The following ADAMTS6 variants were observed in gnomAD, a reference collection of about 807,000 sequenced individuals.
ADAMTS6 encodes the protein ADAM metallopeptidase with thrombospondin type 1 motif 6.
ADAMTS6 carries 23 observed loss-of-function variants against 144.3 expected under a neutral mutation model. That is an observed-to-expected ratio of 0.16 (90% CI 0.11 to 0.23). The LOEUF (loss-of-function observed/expected upper bound fraction) is 0.23. ADAMTS6 is among the 10% of genes least tolerant of loss of function. The probability of loss-of-function intolerance (pLI) is 1.00; values close to 1 mark genes in which losing one functional copy is unlikely to be tolerated. For synonymous variants in ADAMTS6, 444 were observed against 457.5 expected (o/e 0.97, Z 0.38); for missense variants, 999 against 1,379.6 (o/e 0.72, Z 4.37).
chr5:65,339,896 T>C (rs970299759), intron 7 of ADAMTS6, among the ~76,000 whole-genome samples: 4 of 152,078 alleles, frequency 2.6e-5, no homozygotes, highest in Admixed American at 6.5e-5. Context: ...GTTTGTATTA[T>C]GAGCTTCCAG....
At chr5:65,252,773 A>G (rs546841142) in intron 14 of ADAMTS6, among the ~76,000 whole-genome samples, 3 of 151,996 alleles carry the variant, frequency 2.0e-5, no homozygotes, top group African/African-American at 4.8e-5. Context: ...CAAGACTACT[A>G]TATTACATGG....
chr5:65,377,139 C>T (rs1487631772), intron 7 of ADAMTS6, among the ~76,000 whole-genome samples: 1 of 152,140 alleles, frequency 6.6e-6, no homozygotes, highest in Non-Finnish European at 1.5e-5. Context: ...AAGACAACAA[C>T]ATTAATACAA....
At chr5:65,277,754 T>C (rs1762660078) in intron 11 of ADAMTS6, among the ~76,000 whole-genome samples, 1 of 152,176 alleles carries the variant, frequency 6.6e-6, no homozygotes. Flanking sequence ...TCTATCCTTG[T>C]CTGCTAGTTT....
chr5:65,269,112 A>G (rs1561355043), intron 12 of ADAMTS6, among the ~76,000 whole-genome samples: 1 of 152,182 alleles, frequency 6.6e-6, no homozygotes. Context: ...CTGCCAGCTA[A>G]GGCAGTCTGC....
At chr5:65,477,899 G>A (rs1453106033) in intron 1 of ADAMTS6, among the ~76,000 whole-genome samples, 2 of 151,916 alleles carry the variant, frequency 1.3e-5, no homozygotes, top group African/African-American at 4.8e-5. Context: ...AGGCTGAGAT[G>A]GGCAGATCAC....
chr5:65,328,516 T>C (rs768119032), intron 9 of ADAMTS6, among the ~76,000 whole-genome samples: 4 of 137,926 alleles, frequency 2.9e-5, no homozygotes, highest in Non-Finnish European at 6.2e-5. Flanking sequence ...TGTTTCTGTT[T>C]TAGAAGAGCT....
chr5:65,222,908 A>G lies in ADAMTS6; in HGVS notation c.2272+1412T>C, dbSNP rs184562989. Reference sequence around the variant, plus strand: ...AGGCACTTCAAAAAATGAAGACGCAAGCAGAAACTAGGAGAAAATATCCAT... The same window carrying G: ...AGGCACTTCAAAAAATGAAGACGCAGGCAGAAACTAGGAGAAAATATCCAT... On this transcript the variant is annotated intron_variant, in intron 18 of 24. Transcript: ENST00000381055. 4.1e-3 allele frequency among the ~76,000 whole-genome samples: 617 copies of G among 152,124 alleles called. 8 individuals are homozygous for G. The highest frequency in any genetic ancestry group is 0.014 in the African/African-American group (601 of 41,552).
At chr5:65,252,693 T>C (rs140295817) in intron 14 of ADAMTS6, among the ~76,000 whole-genome samples, 1 of 152,128 alleles carries the variant, frequency 6.6e-6, no homozygotes, top group Non-Finnish European at 1.5e-5. Flanking sequence ...TTATTATTAT[T>C]ATATGTAAAA....
intron 8 of ADAMTS6, among the ~76,000 whole-genome samples, chr5:65,329,749 G>C (rs1028783002): frequency 3.9e-5 from 6 of 151,916 alleles, no homozygotes; most frequent in African/African-American, 1.5e-4. Context: ...TGGTAACTTG[G>C]GACCACCTAG....
At position 65,160,106 on chromosome 5, in the gene ADAMTS6, T is replaced by G. The variant is rs141853381; in HGVS notation, c.3245-8161A>C. ...AACATTCTATCTGTGGCCCATTTAA[T>G]TCATAGAGATTCAACTGAAAGACTA... On this transcript the variant is annotated intron_variant, in intron 24 of 24. Coordinates refer to ENST00000381055, the MANE Select transcript of ADAMTS6 (RefSeq NM_197941.4). Among the ~76,000 whole-genome samples the G allele has an allele frequency of 2.6e-5, 4 of 152,340 alleles. No homozygotes were observed. The East Asian group carries it at 7.7e-4, about 29-fold the overall frequency.
chr5:65,298,790 T>C (rs1361441605), intron 10 of ADAMTS6, among the ~76,000 whole-genome samples: 1 of 152,150 alleles, frequency 6.6e-6, no homozygotes, highest in Non-Finnish European at 1.5e-5. Context: ...TCTTTTGATT[T>C]GTTTTTTAAT....
intron 11 of ADAMTS6, among the ~76,000 whole-genome samples, chr5:65,275,397 AAGAAAGAAAG>A (rs1762424257): frequency 2.1e-5 from 3 of 144,930 alleles, no homozygotes; most frequent in Admixed American, 1.4e-4. Flanking sequence ...GAAAGAAAGA[AAGAAAGAAAG>A]AAAGAAAGAA....
intron 14 of ADAMTS6, among the ~76,000 whole-genome samples, chr5:65,253,286 C>T (rs994783788): frequency 2.0e-5 from 3 of 152,194 alleles, no homozygotes; most frequent in African/African-American, 7.2e-5. Context: ...AAAGAACTCT[C>T]GTTCTCCAGC....
intron 9 of ADAMTS6, among the ~76,000 whole-genome samples, chr5:65,320,693 G>A (rs1418988685): frequency 6.6e-6 from 1 of 151,732 alleles, no homozygotes; most frequent in Non-Finnish European, 1.5e-5. Context: ...CCCGTTAGTT[G>A]TCTTCCCACT....
intron 9 of ADAMTS6, among the ~76,000 whole-genome samples, chr5:65,325,248 C>T (rs1176448765): frequency 1.3e-5 from 2 of 152,094 alleles, no homozygotes; most frequent in Non-Finnish European, 1.5e-5. Context: ...TTTGCCAACG[C>T]TCACTGAACC....
chr5:65,402,641 C>T (rs1388516045), intron 7 of ADAMTS6, among the ~76,000 whole-genome samples: 4 of 151,982 alleles, frequency 2.6e-5, no homozygotes, highest in Admixed American at 6.6e-5. Context: ...GCACATACTC[C>T]GCCCTCCTTG....
chr5:65,226,291 G>A (rs994571688), intron 15 of ADAMTS6, 72 bp from the exon 16 acceptor site: 5 of 1,486,056 alleles, frequency 3.4e-6, no homozygotes, highest in Non-Finnish European at 4.6e-6. Context: ...TATTATCTAT[G>A]GCAAATTTAT....
At chr5:65,368,554 C>A (rs1750522432) in intron 7 of ADAMTS6, among the ~76,000 whole-genome samples, 1 of 152,182 alleles carries the variant, frequency 6.6e-6, no homozygotes, top group Non-Finnish European at 1.5e-5. Flanking sequence ...GCTTTTAATT[C>A]TTCTCTTCTT....
chr5:65,372,924 A>G (rs1751107906), intron 7 of ADAMTS6, among the ~76,000 whole-genome samples: 1 of 152,178 alleles, frequency 6.6e-6, no homozygotes, highest in African/African-American at 2.4e-5. Flanking sequence ...ACCACAGTGC[A>G]ATCAAACTAG....
Sources: allele counts gnomAD v4.1 joint callset (sites outside exome capture counted in the v4.1 genomes callset), GRCh38; gene constraint gnomAD v4.1.1; transcripts MANE v1.5; gene names NCBI Gene and HGNC (gene_info 2026-07-23, HGNC 2026-07-21).